The following UNC13C variants were observed in gnomAD, a reference collection of about 807,000 sequenced individuals.
The protein encoded by UNC13C is protein unc-13 homolog C.
UNC13C carries 174 observed loss-of-function variants against 245.4 expected under a neutral mutation model. The ratio of observed to expected loss-of-function variants is 0.71; its 90% CI spans 0.63 to 0.80. The LOEUF (loss-of-function observed/expected upper bound fraction) is 0.80, where lower values mean the gene tolerates loss of function less well. Among genes scored for constraint, UNC13C ranks in the 30% least tolerant of loss-of-function variants. The probability of loss-of-function intolerance (pLI) is 0.00; values close to 1 mark genes in which losing one functional copy is unlikely to be tolerated. For missense variants in UNC13C, 2,829 were observed against 2,602.9 expected, an observed-to-expected ratio of 1.09 and a Z score of -1.89; for synonymous variants, 992 against 895.1, an observed-to-expected ratio of 1.11 and a Z score of -1.93.
chr15:53,860,182 AAT>A, the UNC13C span, among the ~76,000 whole-genome samples: 2 of 152,218 alleles, frequency 1.3e-5, no homozygotes, highest in African/African-American at 4.8e-5. Context: ...TTAAGCTTTC[AAT>A]ATGTGTGTGG....
intron 17 of UNC13C, among the ~76,000 whole-genome samples, chr15:54,373,466 T>C (rs1182982788): frequency 6.6e-6 from 1 of 152,070 alleles, no homozygotes; most frequent in Admixed American, 6.5e-5. Flanking sequence ...GTCCGGCTGC[T>C]CTGCACAGCC....
chr15:54,523,676 A>G (rs901526304), intron 24 of UNC13C, among the ~76,000 whole-genome samples: 2 of 152,194 alleles, frequency 1.3e-5, no homozygotes, highest in Non-Finnish European at 2.9e-5. Context: ...TCCTACCTCA[A>G]TGTGAACAAA....
intron 29 of UNC13C, among the ~76,000 whole-genome samples, chr15:54,565,623 G>A (rs1035265268): frequency 6.6e-6 from 1 of 151,934 alleles, no homozygotes; most frequent in African/African-American, 2.4e-5. Context: ...CTGTCTCAAA[G>A]GAGAATTCCA....
chr15:54,412,185 GAC>G (rs2040429407), intron 18 of UNC13C, among the ~76,000 whole-genome samples: 1 of 151,604 alleles, frequency 6.6e-6, no homozygotes, highest in Non-Finnish European at 1.5e-5. Flanking sequence ...CAGCCTGGGT[GAC>G]AGAGTGAGAC....
In UNC13C at chr15:54,608,205, T is replaced by C. The variant is rs537689196; in HGVS notation, c.6107-14122T>C. On this transcript the variant is annotated intron_variant, in intron 30 of 32. Transcript: ENST00000260323. ...GTTGTTAAAACTAATGTAACAGAAA[T>C]TAAATAGATCATCTTACTCAAATAA... 5.3e-5 allele frequency among the ~76,000 whole-genome samples: 8 copies of C among 152,222 alleles called. No individual in the cohort carries two copies. The South Asian group carries it at 1.7e-3, about 32-fold the overall frequency.
Position 54,012,810 on chromosome 15 carries a change from T to G in UNC13C, c.-94T>G. 1 of 1,003,908 alleles carries G rather than the reference T, an allele frequency of 1.0e-6. No individual in the cohort carries two copies. Among genetic ancestry groups the G allele is most frequent in the Non-Finnish European group, 1.5e-6 (1 of 674,886 alleles). The allele number at this position is 1,003,908 out of a possible 1,614,324, so 62.2% of individuals were successfully genotyped here. On this transcript the variant is annotated 5_prime_UTR_variant, in exon 2 of 33. Transcript: ENST00000260323. ...TGCTCTTTCCAGTGATTCACAGAAC[T>G]TCTGAACAGTGATGCTTGCCTTGGA... is the stretch of plus-strand genomic sequence containing the variant.
the UNC13C span, among the ~76,000 whole-genome samples, chr15:53,841,455 A>G: frequency 2.0e-5 from 3 of 152,142 alleles, no homozygotes; most frequent in Admixed American, 6.6e-5. Context: ...CTTTTACTGA[A>G]TATCTTCTTT....
intron 13 of UNC13C, chr15:54,320,986 C>T (rs566992578): frequency 2.4e-6 from 1 of 419,678 alleles, no homozygotes; most frequent in African/African-American, 2.0e-5. Flanking sequence ...TATCCACTAC[C>T]ACCACAGCTG....
the UNC13C span, among the ~76,000 whole-genome samples, chr15:53,954,825 T>A: frequency 6.6e-6 from 1 of 152,200 alleles, no homozygotes; most frequent in Non-Finnish European, 1.5e-5. Context: ...ATGCTACGGT[T>A]AAGTTTGTGC....
chr15:54,227,885 T>G (rs1413788840), intron 4 of UNC13C, among the ~76,000 whole-genome samples: 1 of 152,194 alleles, frequency 6.6e-6, no homozygotes, highest in Non-Finnish European at 1.5e-5. Flanking sequence ...GCCCTGACGC[T>G]CCACAATAAG....
At chr15:54,273,004 C>T (rs1352486382) in intron 10 of UNC13C, among the ~76,000 whole-genome samples, 1 of 152,052 alleles carries the variant, frequency 6.6e-6, no homozygotes, top group African/African-American at 2.4e-5. Flanking sequence ...AAATTGAGAA[C>T]CAAACAGAAC....
the UNC13C span, among the ~76,000 whole-genome samples, chr15:53,886,587 A>G: frequency 6.6e-6 from 1 of 152,214 alleles, no homozygotes; most frequent in Non-Finnish European, 1.5e-5. Flanking sequence ...CTATGAAGAC[A>G]CTATACCCTA....
chr15:54,335,093 T>C (rs2038538608), intron 16 of UNC13C, among the ~76,000 whole-genome samples: 1 of 152,188 alleles, frequency 6.6e-6, no homozygotes, highest in African/African-American at 2.4e-5. Flanking sequence ...CTTTCTTTTT[T>C]AGTATTGATG....
In UNC13C at chr15:54,015,416, A is replaced by G; in HGVS notation, c.2513A>G (p.Gln838Arg). The G allele has an allele frequency of 6.8e-6, 11 of 1,613,154 alleles. No homozygotes were observed. The highest frequency in any genetic ancestry group is 9.3e-6 in the Non-Finnish European group (11 of 1,179,350). Residue 838 changes from glutamine (Q) to arginine (R), a missense_variant, in exon 2 of 33, where the codon CAA becomes CGA. Transcript: ENST00000260323. ...ATGGGGAGATTTCGGACATTATCTC[A>G]ATCAACTGCAAATGAGTCAAGTACC... is the stretch of plus-strand genomic sequence containing the variant. ...SLMGRFRTLS[Q>R]STANESSTTL...
At chr15:54,019,907 A>G (rs1447321737) in intron 2 of UNC13C, among the ~76,000 whole-genome samples, 4 of 152,302 alleles carry the variant, frequency 2.6e-5, no homozygotes, top group Admixed American at 2.0e-4. Flanking sequence ...GATTATTGTG[A>G]CTTGGTGGTC....
At chr15:54,209,756 G>T (rs867006450) in intron 4 of UNC13C, among the ~76,000 whole-genome samples, 32 of 152,168 alleles carry the variant, frequency 2.1e-4, no homozygotes, top group African/African-American at 6.7e-4. Context: ...TATCTAGAAG[G>T]TTCTACCTCT....
At position 54,060,376 on chromosome 15, in the gene UNC13C, A is replaced by C. The variant is rs535835857; in HGVS notation, c.2983+44490A>C. Reference sequence around the variant, plus strand: ...ACAGACACATGAAAAAATGCTCATCATCACTGGCCATCAGAGAAATGCAAA... The same window carrying C: ...ACAGACACATGAAAAAATGCTCATCCTCACTGGCCATCAGAGAAATGCAAA... On this transcript the variant is annotated intron_variant, in intron 2 of 32. Coordinates refer to ENST00000260323, the MANE Select transcript of UNC13C (RefSeq NM_001080534.3). 3.5e-3 allele frequency among the ~76,000 whole-genome samples: 536 copies of C among 152,286 alleles called. 1 individual carries two copies. Among genetic ancestry groups the C allele is most frequent in the Middle Eastern group, 6.8e-3 (2 of 294 alleles).
chr15:54,020,129 T>C (rs66878217), intron 2 of UNC13C, among the ~76,000 whole-genome samples: 2,296 of 152,268 alleles, frequency 0.015, 22 homozygotes, highest in Non-Finnish European at 0.025. Flanking sequence ...TTCTGAGGGA[T>C]GTGATCATCA....
chr15:54,268,566 C>T (rs1470904412), intron 10 of UNC13C, among the ~76,000 whole-genome samples: 4 of 152,044 alleles, frequency 2.6e-5, no homozygotes, highest in Non-Finnish European at 2.9e-5. Flanking sequence ...TATTATTGAG[C>T]TTAGTTCTGG....
Sources: gnomAD v4.1 joint callset for allele counts (sites outside exome capture counted in the v4.1 genomes callset) on GRCh38, gnomAD v4.1.1 for gene constraint, MANE v1.5 for transcripts, NCBI Gene and HGNC (gene_info 2026-07-23, HGNC 2026-07-21) for gene names.